The following CLEC16A variants were observed in gnomAD, a reference collection of about 807,000 sequenced individuals.
The protein encoded by CLEC16A is C-type lectin domain containing 16A.
CLEC16A carries 51 observed loss-of-function variants against 109.5 expected under a neutral mutation model. The ratio of observed to expected loss-of-function variants is 0.47; its 90% confidence interval spans 0.37 to 0.59. The LOEUF (loss-of-function observed/expected upper bound fraction) is 0.59, where lower values mean the gene tolerates loss of function less well. Ranked by LOEUF, CLEC16A falls within the 20% of genes least tolerant of loss-of-function variation. The pLI, the probability that CLEC16A is intolerant of heterozygous loss-of-function variation, is 0.00. For synonymous variants in CLEC16A, 673 were observed against 564.2 expected (o/e 1.19, Z -2.73); for missense variants, 1,339 against 1,394.0 (o/e 0.96, Z 0.63).
At chr16:11,129,410 A>G (rs879612476) in intron 22 of CLEC16A, among the ~76,000 whole-genome samples, 1 of 152,246 alleles carries the variant, frequency 6.6e-6, no homozygotes, top group Non-Finnish European at 1.5e-5. Context: ...GCTTAATAGA[A>G]GACATCTGGA....
intron 23 of CLEC16A, among the ~76,000 whole-genome samples, chr16:11,170,169 G>T (rs1358431077): frequency 1.3e-5 from 2 of 152,228 alleles, no homozygotes; most frequent in East Asian, 3.8e-4. Context: ...GTTGGAGGCA[G>T]CCCATGAAGT....
intron 22 of CLEC16A, among the ~76,000 whole-genome samples, chr16:11,140,992 A>T (rs2053798522): frequency 6.6e-6 from 1 of 152,226 alleles, no homozygotes. Flanking sequence ...GCTTCACGTT[A>T]TCGTAGTGTC....
chr16:11,003,558 C>T (rs2044799459), intron 11 of CLEC16A, among the ~76,000 whole-genome samples: 1 of 152,204 alleles, frequency 6.6e-6, no homozygotes, highest in Non-Finnish European at 1.5e-5. Context: ...CAGTTTTCCT[C>T]ACCTATTAAA....
intron 19 of CLEC16A, among the ~76,000 whole-genome samples, chr16:11,092,835 T>C (rs2050389581): frequency 6.6e-6 from 1 of 152,180 alleles, no homozygotes; most frequent in Non-Finnish European, 1.5e-5. Flanking sequence ...TAAAACACGG[T>C]GGTCGTGACA....
intron 19 of CLEC16A, among the ~76,000 whole-genome samples, chr16:11,117,146 G>A (rs552773610): frequency 3.3e-5 from 5 of 152,336 alleles, no homozygotes; most frequent in Admixed American, 3.3e-4. Flanking sequence ...TGGACATAAA[G>A]ATGGCAGCGA....
At chr16:11,009,468 G>A (rs1369752400) in intron 11 of CLEC16A, among the ~76,000 whole-genome samples, 1 of 152,178 alleles carries the variant, frequency 6.6e-6, no homozygotes, top group Non-Finnish European at 1.5e-5. Flanking sequence ...GAGGGTCTGG[G>A]TGGTACTGGC....
At chr16:10,953,521 C>T (rs2041835747) in intron 1 of CLEC16A, among the ~76,000 whole-genome samples, 1 of 152,098 alleles carries the variant, frequency 6.6e-6, no homozygotes. Context: ...ATAAATTGAA[C>T]TACATTAAAA....
intron 23 of CLEC16A, among the ~76,000 whole-genome samples, chr16:11,167,210 C>G (rs549722323): frequency 1.3e-5 from 2 of 152,266 alleles, no homozygotes; most frequent in African/African-American, 4.8e-5. Flanking sequence ...AGACACCAGG[C>G]CTCTGGCACA....
chr16:11,019,273 A>G (rs777878258), intron 11 of CLEC16A, among the ~76,000 whole-genome samples: 33 of 152,346 alleles, frequency 2.2e-4, no homozygotes, highest in Middle Eastern at 3.4e-3. Flanking sequence ...ATCCATCTTT[A>G]ATTCAAGATG....
At chr16:11,019,296 G>T (rs2045952572) in intron 11 of CLEC16A, among the ~76,000 whole-genome samples, 1 of 152,114 alleles carries the variant, frequency 6.6e-6, no homozygotes, top group Non-Finnish European at 1.5e-5. Context: ...TTCTTTGGTG[G>T]TTCATAACTT....
intron 19 of CLEC16A, among the ~76,000 whole-genome samples, chr16:11,075,150 A>G (rs933340625): frequency 2.0e-5 from 3 of 152,248 alleles, no homozygotes; most frequent in African/African-American, 7.2e-5. Context: ...TACTTTTTCA[A>G]AATACCAGTC....
intron 10 of CLEC16A, among the ~76,000 whole-genome samples, chr16:10,994,435 A>G (rs566354272): frequency 2.6e-5 from 4 of 152,084 alleles, no homozygotes; most frequent in Non-Finnish European, 5.9e-5. Context: ...GAACAGGTTC[A>G]CTCTGCTGCA....
chr16:11,123,691 C>A (rs2052594026), intron 20 of CLEC16A, 51 bp from the exon 21 acceptor site: 7 of 1,577,084 alleles, frequency 4.4e-6, no homozygotes, highest in Non-Finnish European at 6.1e-6. Flanking sequence ...CTCCTAGCCA[C>A]CCTCCTCCCA....
At position 11,089,140 on chromosome 16, in the gene CLEC16A, G is replaced by A. The variant is rs776293599; in HGVS notation, c.2116+28118G>A. On this transcript the variant is annotated intron_variant, in intron 19 of 23. Transcript: ENST00000409790. The stretch of plus-strand genomic sequence containing the variant: ...AGCCTCGGGCTGTCTTGTTCACCAC[G>A]GTCACTCCAGCCCAGCCACAGGCCT... 1.6e-3 allele frequency among the ~76,000 whole-genome samples: 242 copies of A among 152,180 alleles called. 2 individuals are homozygous for A. The highest frequency in any genetic ancestry group is 6.2e-4 in the Non-Finnish European group (42 of 68,004).
At chr16:10,962,986 A>G (rs1215869318) in intron 3 of CLEC16A, among the ~76,000 whole-genome samples, 1 of 152,064 alleles carries the variant, frequency 6.6e-6, no homozygotes, top group East Asian at 1.9e-4. Flanking sequence ...TTGTCAAGGA[A>G]GTCGAGGTTG....
At chr16:11,165,754 G>A (rs967317149) in intron 22 of CLEC16A, among the ~76,000 whole-genome samples, 6 of 152,130 alleles carry the variant, frequency 3.9e-5, no homozygotes, top group South Asian at 2.1e-4. Flanking sequence ...TCAGTTTACC[G>A]CAGAAACGTG....
chr16:11,063,278 T>C (rs1489588089), intron 19 of CLEC16A, among the ~76,000 whole-genome samples: 1 of 6,964 alleles, frequency 1.4e-4, no homozygotes, highest in Admixed American at 1.7e-3. Context: ...TCTTCTTTCC[T>C]TTTTTTTTTT....
At chr16:11,116,144 C>T (rs909232159) in intron 19 of CLEC16A, among the ~76,000 whole-genome samples, 1 of 151,972 alleles carries the variant, frequency 6.6e-6, no homozygotes, top group Non-Finnish European at 1.5e-5. Context: ...AATCCCAGCA[C>T]TTTGGGAGGT....
intron 19 of CLEC16A, among the ~76,000 whole-genome samples, chr16:11,112,294 T>C (rs2051646819): frequency 6.6e-6 from 1 of 152,158 alleles, no homozygotes; most frequent in South Asian, 2.1e-4. Flanking sequence ...AAAAAGGTTT[T>C]ATACCTGTTA....
Sources: allele counts gnomAD v4.1 joint callset (sites outside exome capture counted in the v4.1 genomes callset), GRCh38; gene constraint gnomAD v4.1.1; transcripts MANE v1.5; gene names NCBI Gene and HGNC (gene_info 2026-07-23, HGNC 2026-07-21).